Variants in ADAMTSL3 observed in about 807,000 individuals in gnomAD.
ADAMTSL3 encodes ADAMTS like 3.
A neutral mutation model predicts 201.7 loss-of-function variants in ADAMTSL3; 128 were observed. That is an observed-to-expected ratio of 0.63 (90% CI 0.55 to 0.73). The LOEUF (loss-of-function observed/expected upper bound fraction) is 0.73. ADAMTSL3 is among the 30% of genes least tolerant of loss of function. ADAMTSL3 has a pLI of 0.00. For missense variants in ADAMTSL3, 1,990 were observed against 2,119.6 expected, an observed-to-expected ratio of 0.94 and a Z score of 1.20; for synonymous variants, 738 against 748.4, an observed-to-expected ratio of 0.99 and a Z score of 0.23.
At chr15:83,828,327 A>T (rs866034925) in intron 6 of ADAMTSL3, among the ~76,000 whole-genome samples, 3 of 151,966 alleles carry the variant, frequency 2.0e-5, no homozygotes, top group Non-Finnish European at 4.4e-5. Flanking sequence ...GCTCTCTGTT[A>T]GTCTGTTATT....
chr15:84,017,413 G>A (rs1031646872), intron 25 of ADAMTSL3, among the ~76,000 whole-genome samples: 2 of 152,154 alleles, frequency 1.3e-5, no homozygotes, highest in Non-Finnish European at 2.9e-5. Context: ...CACTGTGCCC[G>A]GCCACAAAGA....
At chr15:84,025,198 A>C (rs934664066) in intron 26 of ADAMTSL3, 40 bp from the exon 27 acceptor site, 4 of 1,526,858 alleles carry the variant, frequency 2.6e-6, no homozygotes, top group South Asian at 2.6e-5. Flanking sequence ...AAGATCTGGC[A>C]TACCAGTCCT....
chr15:83,915,849 G>A (rs771334032), intron 16 of ADAMTSL3, among the ~76,000 whole-genome samples: 5 of 152,110 alleles, frequency 3.3e-5, no homozygotes, highest in African/African-American at 1.2e-4. Context: ...ATGGCCAAGT[G>A]GTATTCCATT....
chr15:83,714,764 T>G, intron 3 of ADAMTSL3, among the ~76,000 whole-genome samples: 1 of 110,122 alleles, frequency 9.1e-6, no homozygotes, highest in East Asian at 2.2e-4. Context: ...CCCTTTTCTC[T>G]TTCTTTCTTT....
At position 83,913,094 on chromosome 15, in the gene ADAMTSL3, T is replaced by G. The variant is rs2065961764; in HGVS notation, c.1703T>G (p.Phe568Cys). Residue 568 changes from phenylalanine (F) to cysteine (C), a missense_variant and splice_region_variant, in exon 16 of 30, where the codon TTC becomes TGC. By Grantham distance (205) the Phe-to-Cys change is radical. Transcript: ENST00000286744. ...GGTGGCTTCCTGGTTTTCCCTAGGT[T>G]CATTCCAGAACCCTGGTCAGCCTGC... ...ETRIATEEPT[F>C]IPEPWSACST... 1.2e-6 allele frequency: 2 copies of G among 1,613,426 alleles called. No individual in the cohort carries two copies. Among genetic ancestry groups the G allele is most frequent in the Non-Finnish European group, 1.7e-6 (2 of 1,179,608 alleles).
At chr15:83,973,905 G>A (rs1032860412) in intron 20 of ADAMTSL3, among the ~76,000 whole-genome samples, 1 of 152,064 alleles carries the variant, frequency 6.6e-6, no homozygotes, top group Non-Finnish European at 1.5e-5. Flanking sequence ...CGGTGCCTTG[G>A]GTTTAAGTAA....
At chr15:83,786,934 G>A (rs1007977059) in intron 4 of ADAMTSL3, among the ~76,000 whole-genome samples, 1 of 152,108 alleles carries the variant, frequency 6.6e-6, no homozygotes, top group Non-Finnish European at 1.5e-5. Flanking sequence ...TCATCATTCC[G>A]AGATCTGACA....
intron 16 of ADAMTSL3, among the ~76,000 whole-genome samples, chr15:83,921,622 C>T (rs2141984007): frequency 6.6e-6 from 1 of 152,318 alleles, no homozygotes; most frequent in South Asian, 2.1e-4. Flanking sequence ...ATTGGCTCTG[C>T]TGCTTCTCTT....
intron 7 of ADAMTSL3, among the ~76,000 whole-genome samples, chr15:83,846,970 C>A (rs1453690214): frequency 6.6e-6 from 1 of 152,202 alleles, no homozygotes. Context: ...AGCACAGAGG[C>A]ATACATTATT....
At chr15:83,796,983 TAG>T (rs780105045) in intron 4 of ADAMTSL3, among the ~76,000 whole-genome samples, 1 of 150,596 alleles carries the variant, frequency 6.6e-6, no homozygotes, top group Non-Finnish European at 1.5e-5. Flanking sequence ...TTGTGATTTC[TAG>T]AGAGTGAAAT....
At chr15:83,791,777 G>T (rs926165014) in intron 4 of ADAMTSL3, among the ~76,000 whole-genome samples, 1 of 151,378 alleles carries the variant, frequency 6.6e-6, no homozygotes. Context: ...GGAGAATGGC[G>T]TGAACCCAGG....
At chr15:83,965,709 C>T (rs1252886831) in intron 19 of ADAMTSL3, among the ~76,000 whole-genome samples, 2 of 152,150 alleles carry the variant, frequency 1.3e-5, no homozygotes, top group Non-Finnish European at 2.9e-5. Context: ...GAACTCTCCA[C>T]CCCAAATCAA....
intron 17 of ADAMTSL3, among the ~76,000 whole-genome samples, chr15:83,927,070 A>G (rs2066260164): frequency 6.6e-6 from 1 of 152,002 alleles, no homozygotes; most frequent in Admixed American, 6.6e-5. Context: ...AGTATTTTGC[A>G]GAGCAGTTTT....
Position 83,663,254 on chromosome 15 carries a change from G to T in ADAMTSL3, c.69+7424G>T, listed in dbSNP as rs530218804. Among the ~76,000 whole-genome samples, 231 of 152,312 alleles carry T rather than the reference G, an allele frequency of 1.5e-3. 2 individuals are homozygous for T. Among genetic ancestry groups the T allele is most frequent in the African/African-American group, 5.5e-3 (228 of 41,566 alleles). Reference sequence around the variant, plus strand: ...GATCAGCAGACCCACGGTCTAAGCAGATGTTCATCTGTAGAGTGGACGGAC... The same window carrying T: ...GATCAGCAGACCCACGGTCTAAGCATATGTTCATCTGTAGAGTGGACGGAC... On this transcript the variant is annotated intron_variant, in intron 2 of 29. Transcript: ENST00000286744.
chr15:83,677,799 C>G (rs2061426782), intron 2 of ADAMTSL3, among the ~76,000 whole-genome samples: 1 of 151,966 alleles, frequency 6.6e-6, no homozygotes, highest in Non-Finnish European at 1.5e-5. Flanking sequence ...AATAATACTT[C>G]AGTTTTCCAG....
At chr15:83,738,176 T>C (rs748567399) in intron 3 of ADAMTSL3, among the ~76,000 whole-genome samples, 2 of 152,146 alleles carry the variant, frequency 1.3e-5, no homozygotes, top group Non-Finnish European at 2.9e-5. Flanking sequence ...CTGGTAAAGC[T>C]TGGAGTTAAG....
chr15:83,671,761 A>G (rs1047960952), intron 2 of ADAMTSL3, among the ~76,000 whole-genome samples: 1 of 152,152 alleles, frequency 6.6e-6, no homozygotes, highest in Non-Finnish European at 1.5e-5. Flanking sequence ...GGAGCAATCT[A>G]ACTCTTTTGT....
At chr15:83,746,428 G>A (rs763649072) in intron 3 of ADAMTSL3, among the ~76,000 whole-genome samples, 106 of 152,096 alleles carry the variant, frequency 7.0e-4, no homozygotes, top group Non-Finnish European at 1.4e-3. Context: ...AAAGGAGGGT[G>A]TGGATATTGG....
intron 7 of ADAMTSL3, among the ~76,000 whole-genome samples, chr15:83,847,183 G>A (rs183738351): frequency 2.6e-5 from 4 of 152,214 alleles, no homozygotes; most frequent in African/African-American, 7.2e-5. Context: ...GCAGCCGATT[G>A]TTCTCAACAA....
Sources: allele counts gnomAD v4.1 joint callset (sites outside exome capture counted in the v4.1 genomes callset), GRCh38; gene constraint gnomAD v4.1.1; transcripts MANE v1.5; gene names NCBI Gene and HGNC (gene_info 2026-07-23, HGNC 2026-07-21).